CSMD1: variants seen among roughly 807,000 people sequenced by gnomAD.
CSMD1 encodes CUB and Sushi multiple domains 1.
CSMD1 carries 213 observed loss-of-function variants against 417.5 expected under a neutral mutation model. The observed-to-expected ratio is 0.51, with a 90% CI of 0.46 to 0.57. CSMD1 has a LOEUF of 0.57. Ranked by LOEUF, CSMD1 falls within the 20% of genes least tolerant of loss-of-function variation. The pLI, the probability that CSMD1 is intolerant of heterozygous loss-of-function variation, is 0.00. For synonymous variants in CSMD1, 2,862 were observed against 1,736.8 expected (o/e 1.65, Z -16.11); for missense variants, 6,923 against 4,529.7 (o/e 1.53, Z -15.17).
intron 2 of CSMD1, among the ~76,000 whole-genome samples, chr8:4,552,271 G>A (rs1797907483): frequency 6.6e-6 from 1 of 152,006 alleles, no homozygotes; most frequent in Admixed American, 6.6e-5. Flanking sequence ...TTCTGCTTCA[G>A]AAGGACCTGG....
chr8:2,952,307 G>C (rs1430298733), intron 65 of CSMD1, among the ~76,000 whole-genome samples: 1 of 152,150 alleles, frequency 6.6e-6, no homozygotes, highest in African/African-American at 2.4e-5. Context: ...TCCATTTATA[G>C]TCGCAAATAA....
intron 1 of CSMD1, among the ~76,000 whole-genome samples, chr8:4,976,756 T>C (rs1810584193): frequency 6.6e-6 from 1 of 152,200 alleles, no homozygotes; most frequent in African/African-American, 2.4e-5. Context: ...AGCTTCACTT[T>C]CATGGCAAAT....
At chr8:4,357,681 T>G (rs372386161) in intron 3 of CSMD1, among the ~76,000 whole-genome samples, 3 of 152,118 alleles carry the variant, frequency 2.0e-5, no homozygotes, top group African/African-American at 7.2e-5. Flanking sequence ...ATGGTAGGAC[T>G]TCAAAAACTT....
intron 26 of CSMD1, among the ~76,000 whole-genome samples, chr8:3,247,427 C>A (rs1008482096): frequency 6.6e-6 from 1 of 152,170 alleles, no homozygotes; most frequent in Non-Finnish European, 1.5e-5. Context: ...TTTCCATGCT[C>A]CTTGTATCTC....
chr8:2,939,998 G>A (rs1481874097), intron 69 of CSMD1, among the ~76,000 whole-genome samples: 2 of 152,212 alleles, frequency 1.3e-5, no homozygotes, highest in Non-Finnish European at 2.9e-5. Context: ...GCTGCACCCG[G>A]CAGAAGGCTG....
intron 3 of CSMD1, among the ~76,000 whole-genome samples, chr8:4,254,729 A>G (rs1306347267): frequency 6.6e-6 from 1 of 152,064 alleles, no homozygotes; most frequent in Non-Finnish European, 1.5e-5. Flanking sequence ...ATGGTTATGT[A>G]TCTTCAGATC....
At chr8:3,680,660 A>G (rs1212474074) in intron 7 of CSMD1, among the ~76,000 whole-genome samples, 1 of 152,224 alleles carries the variant, frequency 6.6e-6, no homozygotes, top group African/African-American at 2.4e-5. Context: ...CAATAGAAAA[A>G]AGAGGGACTC....
intron 51 of CSMD1, among the ~76,000 whole-genome samples, chr8:3,023,852 G>C (rs192754500): frequency 1.2e-4 from 17 of 136,178 alleles, no homozygotes; most frequent in Non-Finnish European, 2.3e-4. Flanking sequence ...ACACTGGGGA[G>C]TCAAAAAAAA....
intron 2 of CSMD1, among the ~76,000 whole-genome samples, chr8:4,486,558 C>T (rs1801427093): frequency 6.6e-6 from 1 of 151,922 alleles, no homozygotes; most frequent in Admixed American, 6.5e-5. Context: ...GTAAGCATAA[C>T]AGAAGCTTAT....
chr8:4,467,256 T>C (rs1367311548), intron 2 of CSMD1, among the ~76,000 whole-genome samples: 1 of 152,160 alleles, frequency 6.6e-6, no homozygotes, highest in Non-Finnish European at 1.5e-5. Flanking sequence ...GCTAAGAATC[T>C]ACTTCAATTC....
intron 3 of CSMD1, among the ~76,000 whole-genome samples, chr8:4,071,140 T>G (rs956380176): frequency 2.6e-5 from 4 of 152,120 alleles, no homozygotes; most frequent in Non-Finnish European, 5.9e-5. Flanking sequence ...TTTTCCAAAT[T>G]TGGAGAATGT....
intron 1 of CSMD1, among the ~76,000 whole-genome samples, chr8:4,962,275 G>A (rs1013955976): frequency 5.9e-5 from 9 of 151,758 alleles, no homozygotes; most frequent in Non-Finnish European, 4.4e-5. Flanking sequence ...CAGTGTCACA[G>A]TCATAGCTTA....
At position 4,117,463 on chromosome 8, in the gene CSMD1, G is replaced by C. The variant is rs73173874; in HGVS notation, c.416-85364C>G. Among the ~76,000 whole-genome samples, 922 of 152,170 alleles carry C rather than the reference G, an allele frequency of 6.1e-3. 2 individuals are homozygous for C. The highest frequency in any genetic ancestry group is 0.014 in the Middle Eastern group (4 of 294). ...ATGCTGCAATTTCAGGGTTATGATC[G>C]TCTTAATAAATGATGCACTCAATGT... On this transcript the variant is annotated intron_variant, in intron 3 of 69. Transcript: ENST00000635120.
At chr8:4,889,637 A>C (rs945684182) in intron 1 of CSMD1, among the ~76,000 whole-genome samples, 1 of 152,154 alleles carries the variant, frequency 6.6e-6, no homozygotes, top group South Asian at 2.1e-4. Flanking sequence ...ACTGGTAGCC[A>C]TAAGAGACTG....
At chr8:4,189,011 C>A (rs781666030) in intron 3 of CSMD1, among the ~76,000 whole-genome samples, 1 of 152,040 alleles carries the variant, frequency 6.6e-6, no homozygotes, top group African/African-American at 2.4e-5. Context: ...CAGAAATACA[C>A]GGTTACTGGG....
At chr8:4,845,065 ACTAT>A (rs201706448) in intron 1 of CSMD1, among the ~76,000 whole-genome samples, 36 of 84,624 alleles carry the variant, frequency 4.3e-4, no homozygotes, top group African/African-American at 8.0e-4. Context: ...TAATGTAAAA[ACTAT>A]CTATCTAATT....
chr8:4,319,747 C>A (rs969035172), intron 3 of CSMD1, among the ~76,000 whole-genome samples: 2 of 151,956 alleles, frequency 1.3e-5, no homozygotes, highest in African/African-American at 4.8e-5. Context: ...TGCCGGGGGG[C>A]CAAAGGCTGC....
intron 1 of CSMD1, among the ~76,000 whole-genome samples, chr8:4,648,571 G>T (rs1255362126): frequency 1.3e-5 from 2 of 151,982 alleles, no homozygotes; most frequent in African/African-American, 2.4e-5. Context: ...GTGTCTATCT[G>T]CACAAAAAAT....
chr8:4,024,995 A>C (rs942874484), intron 4 of CSMD1, among the ~76,000 whole-genome samples: 8 of 152,234 alleles, frequency 5.3e-5, no homozygotes, highest in African/African-American at 1.9e-4. Flanking sequence ...GGGTGGGTTT[A>C]AACGGCCTGA....
Sources: gnomAD v4.1 joint callset for allele counts (sites outside exome capture counted in the v4.1 genomes callset) on GRCh38, gnomAD v4.1.1 for gene constraint, MANE v1.5 for transcripts, NCBI Gene and HGNC (gene_info 2026-07-23, HGNC 2026-07-21) for gene names.